Variants in PNRC2 observed in about 807,000 individuals in gnomAD.
PNRC2 encodes proline rich nuclear receptor coactivator 2.
Under a neutral mutation model 12.2 loss-of-function variants are expected in PNRC2, and 2 were observed. The observed-to-expected ratio is 0.16, with a 90% CI of 0.07 to 0.52. The LOEUF (loss-of-function observed/expected upper bound fraction) is 0.52. Among genes scored for constraint, PNRC2 ranks in the 20% least tolerant of loss-of-function variants. The pLI is 0.95. For missense variants in PNRC2, 115 were observed against 158.4 expected (o/e 0.73, Z 1.47); for synonymous variants, 44 against 53.9 (o/e 0.82, Z 0.80).
chr1:23,961,610 A>G lies in PNRC2; in HGVS notation c.153A>G (p.Ser51=), dbSNP rs1453943673. The change falls in exon 3 of 3, where the codon TCA becomes TCG. Residue 51 remains serine, a synonymous_variant. Coordinates refer to ENST00000334351, the MANE Select transcript of PNRC2 (RefSeq NM_017761.4). ...AAGAAAGAGGACATGGTTATAACTC[A>G]TCAGCAGCTGCCTGGCAGGCCATGC... ...KKKERGHGYN[S]SAAAWQAMQN... The G allele has an allele frequency of 1.4e-5, 23 of 1,613,884 alleles. No individual in the cohort carries two copies. Among genetic ancestry groups the G allele is most frequent in the Non-Finnish European group, 1.8e-5 (21 of 1,179,862 alleles).
At position 23,959,981 on chromosome 1, in the gene PNRC2, G is replaced by A. The variant is rs1641244975; in HGVS notation, c.-242G>A. On this transcript the variant is annotated 5_prime_UTR_variant, in exon 1 of 3. Transcript: ENST00000334351. ...TCGAGAGGGAGCCGCTGCCGCGTTA[G>A]TTCCGAGCTTGAAGTCAGTAAGTAG... The A allele has an allele frequency of 6.6e-6, 1 of 152,286 alleles. No homozygotes were observed. The highest frequency in any genetic ancestry group is 6.5e-5 in the Admixed American group (1 of 15,292). The allele number at this position is 152,286 out of a possible 1,614,324, so 9.4% of individuals were successfully genotyped here.
chr1:23,961,428 A>G lies in PNRC2; in HGVS notation c.-18-12A>G. ...GGAATTTTACTCAATATTTGTTTCC[A>G]TTCACTTGTAGGTGACAAAGAAGCT... On this transcript the variant is annotated splice_polypyrimidine_tract_variant and intron_variant, in intron 2 of 2. Transcript: ENST00000334351. The G allele has an allele frequency of 6.5e-7, 1 of 1,528,140 alleles. No individual in the cohort carries two copies. Among genetic ancestry groups the G allele is most frequent in the Non-Finnish European group, 8.8e-7 (1 of 1,136,586 alleles). The allele number at this position is 1,528,140 out of a possible 1,614,324, so 94.7% of individuals were successfully genotyped here.
In PNRC2 at chr1:23,960,920, CT is replaced by C. The variant is rs1301759723; in HGVS notation, c.-224-5del. 1 of 398,808 alleles carries C rather than the reference CT, an allele frequency of 2.5e-6. No individual in the cohort carries two copies. The highest frequency in any genetic ancestry group is 4.4e-6 in the Non-Finnish European group (1 of 226,054). The allele number at this position is 398,808 out of a possible 1,614,324, so 24.7% of individuals were successfully genotyped here. On this transcript the variant is annotated splice_region_variant and splice_polypyrimidine_tract_variant and intron_variant, in intron 1 of 2. Coordinates refer to ENST00000334351, the MANE Select transcript of PNRC2 (RefSeq NM_017761.4). ...TTTTGAAATAATGAAGTAATCTTTACTTTTCTAGCTAGGACTTCTCTCAAAC... is the reference window on the plus strand; with the variant it reads ...TTTTGAAATAATGAAGTAATCTTTACTTTCTAGCTAGGACTTCTCTCAAAC...
At chr1:23,960,404 G>C (rs1641254553) in intron 1 of PNRC2, among the ~76,000 whole-genome samples, 2 of 152,160 alleles carry the variant, frequency 1.3e-5, no homozygotes, top group African/African-American at 4.8e-5. Context: ...TATTTAAGAT[G>C]GGCTTAGACT....
rs1213633448 is a variant in PNRC2 at position 23,961,984 on chromosome 1, AAT to A, written c.*109_*110del. On this transcript the variant is annotated 3_prime_UTR_variant, in exon 3 of 3. Coordinates refer to ENST00000334351, the MANE Select transcript of PNRC2 (RefSeq NM_017761.4). ...GTGTAGAACTAATTAATGTAAAAAA[AAT>A]AGACCATCTCGTGTTGTGTGCACTG... 4.4e-6 allele frequency: 3 copies of A among 680,074 alleles called. No homozygotes were observed. Among genetic ancestry groups the A allele is most frequent in the African/African-American group, 1.8e-5 (1 of 55,450 alleles). The allele number at this position is 680,074 out of a possible 1,614,324, so 42.1% of individuals were successfully genotyped here.
At position 23,962,072 on chromosome 1, in the gene PNRC2, T is replaced by G. The variant is rs1641291169; in HGVS notation, c.*195T>G. ...TGATTGTACTTGATATTAAGTGTTC[T>G]CAACTGAGTAACTTTTAAGTGGAAA... On this transcript the variant is annotated 3_prime_UTR_variant, in exon 3 of 3. Transcript: ENST00000334351. 1 of 469,406 alleles carries G rather than the reference T, an allele frequency of 2.1e-6. No individual in the cohort carries two copies. The highest frequency in any genetic ancestry group is 3.8e-5 in the Admixed American group (1 of 26,608). 29.1% of individuals were successfully genotyped at this position (469,406 alleles called of 1,614,324 possible).
chr1:23,962,084 CTT>C lies in PNRC2; in HGVS notation c.*210_*211del. On this transcript the variant is annotated 3_prime_UTR_variant, in exon 3 of 3. Coordinates refer to ENST00000334351, the MANE Select transcript of PNRC2 (RefSeq NM_017761.4). ...ATATTAAGTGTTCTCAACTGAGTAA[CTT>C]TTAAGTGGAAACCAAGTTTAGATTT... The C allele has an allele frequency of 2.3e-6, 1 of 427,492 alleles. No individual in the cohort carries two copies. The highest frequency in any genetic ancestry group is 2.0e-5 in the African/African-American group (1 of 49,688). The allele number at this position is 427,492 out of a possible 1,614,324, so 26.5% of individuals were successfully genotyped here. A position where few individuals can be genotyped will look rare whatever the true frequency, so the allele number is the denominator to read the frequency against.
chr1:23,961,410 T>G, intron 2 of PNRC2, 30 bp from the exon 3 acceptor site: 1 of 1,452,020 alleles, frequency 6.9e-7, no homozygotes, highest in East Asian at 2.3e-5. Flanking sequence ...AATGGAATTT[T>G]ACTCAATATT....
In PNRC2 at chr1:23,962,505, C is replaced by T. The variant is rs1641300798; in HGVS notation, c.*628C>T. 1 of 166,930 alleles carries T rather than the reference C, an allele frequency of 6.0e-6. No homozygotes were observed. Among genetic ancestry groups the T allele is most frequent in the Admixed American group, 6.5e-5 (1 of 15,272 alleles). 10.3% of individuals were successfully genotyped at this position (166,930 alleles called of 1,614,324 possible). A position where few individuals can be genotyped will look rare whatever the true frequency, so the allele number is the denominator to read the frequency against. On this transcript the variant is annotated 3_prime_UTR_variant, in exon 3 of 3. Coordinates refer to ENST00000334351, the MANE Select transcript of PNRC2 (RefSeq NM_017761.4). Reference sequence around the variant, plus strand: ...ATAGAAACAGTATTTAATGGTCACTCAATAGCTTTCAAAATACATTTTTGT... The same window carrying T: ...ATAGAAACAGTATTTAATGGTCACTTAATAGCTTTCAAAATACATTTTTGT...
upstream of PNRC2, among the ~76,000 whole-genome samples, chr1:23,959,581 C>T (rs113597251): frequency 0.078 from 11,681 of 149,718 alleles, 792 homozygotes; most frequent in African/African-American, 0.18. Context: ...CTCGGCGGGC[C>T]AGGGGCGCGG....
In PNRC2 at chr1:23,962,917, CT is replaced by C. The variant is rs1476763645; in HGVS notation, c.*1041del. On this transcript the variant is annotated 3_prime_UTR_variant, in exon 3 of 3. Coordinates refer to ENST00000334351, the MANE Select transcript of PNRC2 (RefSeq NM_017761.4). ...AGTTTTATAACTAAAAAGGTTTAAG[CT>C]GCTAAAACTATTTTTAAGAGATGTG... 3.0e-5 allele frequency: 5 copies of C among 166,744 alleles called. No homozygotes were observed. Among genetic ancestry groups the C allele is most frequent in the Admixed American group, 2.6e-4 (4 of 15,244 alleles). 10.3% of individuals were successfully genotyped at this position (166,744 alleles called of 1,614,324 possible).
intron 1 of PNRC2, 148 bp downstream of exon 1, chr1:23,960,146 C>G (rs1641248369): frequency 6.6e-6 from 1 of 152,186 alleles, no homozygotes; most frequent in Non-Finnish European, 1.5e-5. Context: ...CCCTGCGGCT[C>G]CGGAGAGATG....
At chr1:23,959,519 C>T (rs1641236365), upstream of PNRC2, among the ~76,000 whole-genome samples, 1 of 151,902 alleles carries the variant, frequency 6.6e-6, no homozygotes, top group Non-Finnish European at 1.5e-5. Flanking sequence ...GCGGCGAGCC[C>T]GCGCGCACGA....
rs1261601035 is a variant in PNRC2, at chr1:23,963,330, A to G, written c.*1453A>G. ...AAGCTGTATTTCTCCAAATAAATCA[A>G]GATGAAGTACTGCCCAAGTTAAATA... On this transcript the variant is annotated 3_prime_UTR_variant, in exon 3 of 3. Coordinates refer to ENST00000334351, the MANE Select transcript of PNRC2 (RefSeq NM_017761.4). 1.2e-5 allele frequency: 2 copies of G among 167,050 alleles called. No homozygotes were observed. The highest frequency in any genetic ancestry group is 2.9e-5 in the Non-Finnish European group (2 of 68,060). 10.3% of individuals were successfully genotyped at this position (167,050 alleles called of 1,614,324 possible). A position where few individuals can be genotyped will look rare whatever the true frequency, so the allele number is the denominator to read the frequency against.
chr1:23,961,336 T>C (rs1326801164), intron 2 of PNRC2, 104 bp from the exon 3 acceptor site: 9 of 841,512 alleles, frequency 1.1e-5, no homozygotes, highest in Non-Finnish European at 1.5e-5. Flanking sequence ...TTGAGTCTTG[T>C]CCAAAATATC....
rs1641312284 is a variant in PNRC2, at chr1:23,963,110, GC to G, written c.*1234del. The G allele has an allele frequency of 6.0e-6, 1 of 166,972 alleles. No individual in the cohort carries two copies. Among genetic ancestry groups the G allele is most frequent in the African/African-American group, 2.4e-5 (1 of 41,442 alleles). The allele number at this position is 166,972 out of a possible 1,614,324, so 10.3% of individuals were successfully genotyped here. On this transcript the variant is annotated 3_prime_UTR_variant, in exon 3 of 3. Coordinates refer to ENST00000334351, the MANE Select transcript of PNRC2 (RefSeq NM_017761.4). ...GTTTTTGTTTGGTCAAGGGGTAGGT[GC>G]AACCCAATGGACCACTTATGCAAAA...
chr1:23,962,708 A>G lies in PNRC2; in HGVS notation c.*831A>G, dbSNP rs1312168662. 4 of 167,080 alleles carry G rather than the reference A, an allele frequency of 2.4e-5. No individual in the cohort carries two copies. Among genetic ancestry groups the G allele is most frequent in the Non-Finnish European group, 5.9e-5 (4 of 68,082 alleles). The allele number at this position is 167,080 out of a possible 1,614,324, so 10.3% of individuals were successfully genotyped here. A position where few individuals can be genotyped will look rare whatever the true frequency, so the allele number is the denominator to read the frequency against. ...TTTTCTTGGCCTTTATCTTACAAAAATGGAGTATTTTAGTATGAATTTGCT... is the reference window on the plus strand; with the variant it reads ...TTTTCTTGGCCTTTATCTTACAAAAGTGGAGTATTTTAGTATGAATTTGCT... On this transcript the variant is annotated 3_prime_UTR_variant, in exon 3 of 3. Coordinates refer to ENST00000334351, the MANE Select transcript of PNRC2 (RefSeq NM_017761.4).
In PNRC2 at chr1:23,961,552, A is replaced by T. The variant is rs1641277064; in HGVS notation, c.95A>T (p.Gln32Leu). The change falls in exon 3 of 3, where the codon CAG becomes CTG. Residue 32 changes from glutamine (Q) to leucine (L), a missense_variant. By Grantham distance (113) the Gln-to-Leu change is moderately radical. This residue lies in a region of PNRC2 where 98 missense variants were observed against 112.4 expected (regional missense o/e 0.87). Transcript: ENST00000334351. Reference protein sequence around the residue: ...QQLNRQKTKEQNSQMKIVHKK... With the variant: ...QQLNRQKTKELNSQMKIVHKK... ...CTTAACAGACAGAAGACCAAGGAAC[A>T]GAATTCCCAGATGAAGATTGTTCAT... is the stretch of plus-strand genomic sequence containing the variant. 1 of 1,613,578 alleles carries T rather than the reference A, an allele frequency of 6.2e-7. No individual in the cohort carries two copies. The highest frequency in any genetic ancestry group is 1.3e-5 in the African/African-American group (1 of 74,906).
upstream of PNRC2, chr1:23,959,694 C>T (rs1176335142): frequency 2.6e-5 from 4 of 152,980 alleles, no homozygotes; most frequent in Non-Finnish European, 5.8e-5. Context: ...AGCCCCACCT[C>T]CGCGCCTTCG....
Sources: allele counts gnomAD v4.1 joint callset (sites outside exome capture counted in the v4.1 genomes callset), GRCh38; gene constraint gnomAD v4.1.1; regional missense constraint gnomAD v4.1.1; transcripts MANE v1.5; gene names NCBI Gene and HGNC (gene_info 2026-07-23, HGNC 2026-07-21).